LZTS1: variants seen among roughly 807,000 people sequenced by gnomAD.
LZTS1 encodes the protein leucine zipper putative tumor suppressor 1.
Under a neutral mutation model 45.8 loss-of-function variants are expected in LZTS1, and 31 were observed. The observed-to-expected ratio is 0.68, with a 90% CI of 0.51 to 0.91. The LOEUF (loss-of-function observed/expected upper bound fraction) is 0.91. Among genes scored for constraint, LZTS1 ranks in the 40% least tolerant of loss-of-function variants. LZTS1 has a pLI of 0.00. For missense variants in LZTS1, 821 were observed against 788.9 expected (o/e 1.04, Z -0.49); for synonymous variants, 359 against 357.3 (o/e 1.00, Z -0.05).
Position 20,250,150 on chromosome 8 carries a change from G to T in LZTS1, c.1363C>A (p.Gln455Lys). ...AGCTCCGCCTCGTTCTTCTTGCGCT[G>T]CAGCTCATTCTCACAGACCTCCAGC... ...LELEVCENEL[Q>K]RKKNEAELLR... Residue 455 changes from glutamine (Q) to lysine (K), a missense_variant, in exon 4 of 4, where the codon CAG becomes AAG. Gln to Lys is a moderately conservative substitution (Grantham distance 53, BLOSUM62 1). Coordinates refer to ENST00000381569, the MANE Select transcript of LZTS1 (RefSeq NM_021020.5). 6.2e-7 allele frequency: 1 copy of T among 1,609,124 alleles called. No homozygotes were observed. The highest frequency in any genetic ancestry group is 1.3e-5 in the African/African-American group (1 of 74,992).
In LZTS1 at chr8:20,293,301, G is replaced by T. The variant is rs546259501; in HGVS notation, c.-135+10439C>A. On this transcript the variant is annotated intron_variant, in intron 1 of 3. Coordinates refer to ENST00000381569, the MANE Select transcript of LZTS1 (RefSeq NM_021020.5). ...CACTCTCCCCAGCTGAGTATGCAAG[G>T]TGGGTGTGCAAGCGCCTCCTCAATC... 5.3e-5 allele frequency among the ~76,000 whole-genome samples: 8 copies of T among 152,236 alleles called. No homozygotes were observed. The South Asian group carries it at 6.2e-4, about 12-fold the overall frequency.
At chr8:20,256,980 G>A (rs539203469) in intron 1 of LZTS1, among the ~76,000 whole-genome samples, 2 of 152,294 alleles carry the variant, frequency 1.3e-5, no homozygotes, top group South Asian at 4.1e-4. Flanking sequence ...GTGAAAAAGA[G>A]CAGCAGAGAA....
intron 1 of LZTS1, among the ~76,000 whole-genome samples, chr8:20,286,821 G>A (rs1323009584): frequency 6.6e-6 from 1 of 152,202 alleles, no homozygotes; most frequent in African/African-American, 2.4e-5. Flanking sequence ...CAGCACTGCT[G>A]CTACAATCAC....
intron 1 of LZTS1, among the ~76,000 whole-genome samples, chr8:20,299,678 G>T (rs148101303): frequency 0.011 from 1,661 of 152,136 alleles, 23 homozygotes; most frequent in South Asian, 0.022. Context: ...TCCTATATGA[G>T]AAATAACAGG....
intron 1 of LZTS1, among the ~76,000 whole-genome samples, chr8:20,262,109 C>G (rs1193480022): frequency 2.0e-5 from 3 of 152,208 alleles, no homozygotes; most frequent in South Asian, 2.1e-4. Flanking sequence ...CCATTCCCCC[C>G]CAGAACTTTT....
At chr8:20,272,379 C>T (rs1402164140) in intron 1 of LZTS1, among the ~76,000 whole-genome samples, 1 of 152,152 alleles carries the variant, frequency 6.6e-6, no homozygotes, top group Non-Finnish European at 1.5e-5. Flanking sequence ...TTGCTCATGC[C>T]CAATTCTCCC....
chr8:20,295,527 G>T (rs1364063001), intron 1 of LZTS1, among the ~76,000 whole-genome samples: 2 of 152,152 alleles, frequency 1.3e-5, no homozygotes, highest in South Asian at 2.1e-4. Flanking sequence ...TGCCATTTGG[G>T]ACCGAGCCCT....
chr8:20,250,000 C>T lies in LZTS1; in HGVS notation c.1513G>A (p.Glu505Lys). The T allele has an allele frequency of 1.9e-6, 3 of 1,613,300 alleles. No homozygotes were observed. The highest frequency in any genetic ancestry group is 2.5e-6 in the Non-Finnish European group (3 of 1,179,774). The change falls in exon 4 of 4, where the codon GAG (glutamate) becomes AAG (lysine). Residue 505 changes from glutamate to lysine, a missense_variant. Physicochemically the swap from Glu to Lys is moderately conservative, Grantham distance 56. Transcript: ENST00000381569. Reference sequence around the variant, plus strand: ...TCCCGCAGCTCGGCCCGCAGCCGCTCCAGCTCCCGCTGCAGGGCAGGGACG... The same window carrying T: ...TCCCGCAGCTCGGCCCGCAGCCGCTTCAGCTCCCGCTGCAGGGCAGGGACG... ...EDVPALQREL[E>K]RLRAELREER... is the part of the protein sequence containing the mutation.
chr8:20,291,359 C>T (rs1800898729), intron 1 of LZTS1, among the ~76,000 whole-genome samples: 1 of 152,180 alleles, frequency 6.6e-6, no homozygotes, highest in Non-Finnish European at 1.5e-5. Context: ...CATGACCCTC[C>T]CACACAGGCA....
intron 1 of LZTS1, among the ~76,000 whole-genome samples, chr8:20,303,235 C>A (rs925540677): frequency 6.6e-6 from 1 of 152,172 alleles, no homozygotes; most frequent in African/African-American, 2.4e-5. Context: ...CCTTTCAAAT[C>A]TCTGGCTGCA....
intron 1 of LZTS1, among the ~76,000 whole-genome samples, chr8:20,267,548 A>C (rs574569298): frequency 6.6e-6 from 1 of 152,090 alleles, no homozygotes; most frequent in Non-Finnish European, 1.5e-5. Flanking sequence ...ACAGAGTCTC[A>C]CTCTGTCGCC....
chr8:20,263,970 G>T (rs1188294523), intron 1 of LZTS1, among the ~76,000 whole-genome samples: 2 of 152,100 alleles, frequency 1.3e-5, no homozygotes, highest in African/African-American at 4.8e-5. Context: ...TTTCAGAAAT[G>T]AAACAAACAT....
chr8:20,276,880 A>T (rs1342891779), intron 1 of LZTS1, among the ~76,000 whole-genome samples: 1 of 152,202 alleles, frequency 6.6e-6, no homozygotes, highest in Non-Finnish European at 1.5e-5. Flanking sequence ...GTTAGATCAG[A>T]GGAAAACGGT....
At chr8:20,267,341 G>T (rs956849541) in intron 1 of LZTS1, among the ~76,000 whole-genome samples, 1 of 152,070 alleles carries the variant, frequency 6.6e-6, no homozygotes, top group African/African-American at 2.4e-5. Context: ...AGTTGGGGTA[G>T]GAGGGCGGTG....
At chr8:20,278,600 G>T (rs1443788317) in intron 1 of LZTS1, among the ~76,000 whole-genome samples, 10 of 152,162 alleles carry the variant, frequency 6.6e-5, no homozygotes, top group Admixed American at 1.3e-4. Flanking sequence ...ACTTGCCTCA[G>T]TTTCTCACTC....
intron 1 of LZTS1, among the ~76,000 whole-genome samples, chr8:20,257,219 G>A (rs1331268994): frequency 6.6e-6 from 1 of 152,076 alleles, no homozygotes; most frequent in Admixed American, 6.6e-5. Flanking sequence ...GGCAAATTGG[G>A]CATGGTGGCA....
intron 1 of LZTS1, among the ~76,000 whole-genome samples, chr8:20,265,676 C>CAAAAAA (rs71222140): frequency 0.074 from 3,175 of 42,974 alleles, 896 homozygotes; most frequent in Non-Finnish European, 0.094. Flanking sequence ...GACTCTGTCT[C>CAAAAAA]AAAAAAAAAA....
chr8:20,264,351 G>A (rs896137694), intron 1 of LZTS1, among the ~76,000 whole-genome samples: 4 of 151,912 alleles, frequency 2.6e-5, no homozygotes, highest in African/African-American at 4.8e-5. Flanking sequence ...ATTTTTCCAC[G>A]TATGAAAGCT....
intron 1 of LZTS1, among the ~76,000 whole-genome samples, chr8:20,297,241 A>G (rs1419197925): frequency 6.6e-6 from 1 of 152,232 alleles, no homozygotes; most frequent in Non-Finnish European, 1.5e-5. Flanking sequence ...AATGTCATTA[A>G]TTCAAATTCT....
Sources: allele counts gnomAD v4.1 joint callset (sites outside exome capture counted in the v4.1 genomes callset), GRCh38; gene constraint gnomAD v4.1.1; transcripts MANE v1.5; gene names NCBI Gene and HGNC (gene_info 2026-07-23, HGNC 2026-07-21).